Variants in SCAMP3 observed in about 807,000 individuals in gnomAD.
The protein encoded by SCAMP3 is secretory carrier-associated membrane protein 3.
A neutral mutation model predicts 44.1 loss-of-function variants in SCAMP3; 30 were observed. That is an observed-to-expected ratio of 0.68 (90% CI 0.51 to 0.92). SCAMP3 has a LOEUF of 0.92. SCAMP3 is among the 40% of genes least tolerant of loss of function. SCAMP3 has a pLI of 0.00. For missense variants in SCAMP3, 394 were observed against 440.0 expected (o/e 0.90, Z 0.93); for synonymous variants, 168 against 171.1 (o/e 0.98, Z 0.14).
chr1:155,262,202 G>T lies in SCAMP3; in HGVS notation c.-51C>A. The T allele has an allele frequency of 6.4e-7, 1 of 1,553,602 alleles. No homozygotes were observed. The highest frequency in any genetic ancestry group is 2.3e-5 in the East Asian group (1 of 44,412). Reference sequence around the variant, plus strand: ...CTCTGCCCTCCACGCCCCTGCCGCAGCAGTGGCGGTAGCGGTAGCCCTCAG... The same window carrying T: ...CTCTGCCCTCCACGCCCCTGCCGCATCAGTGGCGGTAGCGGTAGCCCTCAG... On this transcript the variant is annotated 5_prime_UTR_variant, in exon 1 of 9. In the 5' UTR this introduces an upstream ATG that the reference lacks. Transcript: ENST00000302631.
At position 155,256,425 on chromosome 1, in the gene SCAMP3, A is replaced by C; in HGVS notation, c.898-6T>G. The C allele has an allele frequency of 6.4e-7, 1 of 1,572,092 alleles. No individual in the cohort carries two copies. ...CGGCGGTATAAGGAGTGGATCTGCA[A>C]GTAGAGGACAAAGACATTACCGCCC... On this transcript the variant is annotated splice_region_variant and splice_polypyrimidine_tract_variant and intron_variant, in intron 8 of 8. Transcript: ENST00000302631.
intron 2 of SCAMP3, 144 bp downstream of exon 2, chr1:155,261,513 T>A: frequency 1.3e-6 from 1 of 782,724 alleles, no homozygotes; most frequent in Non-Finnish European, 2.2e-6. Context: ...AGGCATCCCA[T>A]GGCTGACTAG....
chr1:155,257,260 G>A (rs1341234903), intron 7 of SCAMP3, 25 bp downstream of exon 7: 2 of 1,465,776 alleles, frequency 1.4e-6, no homozygotes, highest in African/African-American at 2.8e-5. Flanking sequence ...AGGGAAAGGT[G>A]AGGGTGGATA....
chr1:155,258,963 C>A lies in SCAMP3; in HGVS notation c.389-9G>T. Reference sequence around the variant, plus strand: ...CCAATTGTTCTGTCGAGCTGTAAGGCACAAAAAAACAGGTGGACCCCAGAA... The same window carrying A: ...CCAATTGTTCTGTCGAGCTGTAAGGAACAAAAAAACAGGTGGACCCCAGAA... On this transcript the variant is annotated splice_polypyrimidine_tract_variant and intron_variant, in intron 4 of 8. Transcript: ENST00000302631. The A allele has an allele frequency of 1.9e-6, 3 of 1,596,604 alleles. No individual in the cohort carries two copies. The highest frequency in any genetic ancestry group is 1.8e-5 in the Admixed American group (1 of 56,762).
chr1:155,261,812 T>G (rs535364199), intron 1 of SCAMP3, 78 bp from the exon 2 acceptor site: 1 of 1,398,036 alleles, frequency 7.2e-7, no homozygotes, highest in Admixed American at 1.7e-5. Context: ...CCAAACTGCC[T>G]GTGGCTCCAA....
intron 8 of SCAMP3, 28 bp downstream of exon 8, chr1:155,256,646 C>T (rs1237749953): frequency 6.3e-7 from 1 of 1,591,544 alleles, no homozygotes. Flanking sequence ...TCTCACCATC[C>T]CGGCCCCACC....
In SCAMP3 at chr1:155,262,076, C is replaced by A. The variant is rs181786963; in HGVS notation, c.66+10G>T. On this transcript the variant is annotated intron_variant, in intron 1 of 8. Transcript: ENST00000302631. ...TGACCGCCCAAAAGAGGCCGACTGGCGCAAGTCACCTGAAAGGGGTTGTCA... is the reference window on the plus strand; with the variant it reads ...TGACCGCCCAAAAGAGGCCGACTGGAGCAAGTCACCTGAAAGGGGTTGTCA... 624 of 1,613,520 alleles carry A rather than the reference C, an allele frequency of 3.9e-4. No individual in the cohort carries two copies. The highest frequency in any genetic ancestry group is 5.1e-4 in the Non-Finnish European group (597 of 1,179,512).
intron 2 of SCAMP3, among the ~76,000 whole-genome samples, chr1:155,260,914 GTTT>G (rs60762712): frequency 6.8e-6 from 1 of 146,856 alleles, no homozygotes; most frequent in East Asian, 2.0e-4. Flanking sequence ...ACTTAACTGT[GTTT>G]TTTTTTTTTC....
chr1:155,261,518 G>A, intron 2 of SCAMP3, 139 bp downstream of exon 2: 1 of 803,742 alleles, frequency 1.2e-6, no homozygotes, highest in Non-Finnish European at 2.1e-6. Flanking sequence ...TCCCATGGCT[G>A]ACTAGCCTCT....
chr1:155,261,815 G>T, intron 1 of SCAMP3, 81 bp from the exon 2 acceptor site: 1 of 1,356,014 alleles, frequency 7.4e-7, no homozygotes, highest in Non-Finnish European at 1.1e-6. Flanking sequence ...AACTGCCTGT[G>T]GCTCCAAGTA....
In SCAMP3 at chr1:155,260,410, T is replaced by C; in HGVS notation, c.308A>G (p.Gln103Arg). The change falls in exon 4 of 9, where the codon CAG becomes CGG. Residue 103 changes from glutamine (Q) to arginine (R), a missense_variant. Gln to Arg is a conservative substitution (Grantham distance 43). Coordinates refer to ENST00000302631, the MANE Select transcript of SCAMP3 (RefSeq NM_005698.4). ...CTCTGCCTTCCGGTTGAGCTCCTCC[T>C]GTTTCTTCAGCAGCTCAGCTGTGGC... ...AAATAELLKK[Q>R]EELNRKAEEL... 2 of 1,614,116 alleles carry C rather than the reference T, an allele frequency of 1.2e-6. No individual in the cohort carries two copies.
chr1:155,258,318 CTTTTTTTTTTTT>C (rs71996352), intron 5 of SCAMP3, among the ~76,000 whole-genome samples: 58 of 86,572 alleles, frequency 6.7e-4, no homozygotes, highest in Admixed American at 2.2e-3. Flanking sequence ...CGTGCCCGGC[CTTTTTTTTTTTT>C]TTTTTTTTTT....
In SCAMP3 at chr1:155,256,805, G is replaced by A. The variant is rs771399402; in HGVS notation, c.780-14C>T. On this transcript the variant is annotated splice_polypyrimidine_tract_variant and intron_variant, in intron 7 of 8. Transcript: ENST00000302631. ...GAGATCCAGCCACTGTAAAGGGAAG[G>A]ATGTACCAGTGAAGAGGGGCTCCTC... 6.2e-7 allele frequency: 1 copy of A among 1,604,106 alleles called. No individual in the cohort carries two copies. Among genetic ancestry groups the A allele is most frequent in the Non-Finnish European group, 8.5e-7 (1 of 1,171,044 alleles).
Position 155,258,826 on chromosome 1 carries a change from A to C in SCAMP3, c.517T>G (p.Cys173Gly). The C allele has an allele frequency of 3.7e-6, 6 of 1,604,578 alleles. No individual in the cohort carries two copies. Among genetic ancestry groups the C allele is most frequent in the Non-Finnish European group, 5.1e-6 (6 of 1,176,596 alleles). ...TVSTMYYLWMCSTLALLLNFL... is the reference protein window; with the variant it reads ...TVSTMYYLWMGSTLALLLNFL... ...CTCCAAAAGGCTTCTCACTACTCAC[A>C]CATCCAGAGGTAGTACATGGTGGAT... The change falls in exon 5 of 9, where the codon TGC becomes GGC. Residue 173 changes from cysteine (C) to glycine (G), a missense_variant and splice_region_variant. Coordinates refer to ENST00000302631, the MANE Select transcript of SCAMP3 (RefSeq NM_005698.4).
rs1239559543 is a variant in SCAMP3, at chr1:155,257,304, T to C, written c.760A>G (p.Ile254Val). The change falls in exon 7 of 9, where the codon ATC becomes GTC. Residue 254 changes from isoleucine to valine, a missense_variant. Ile to Val is a conservative substitution (Grantham distance 29). Transcript: ENST00000302631. ...ACAAACCTGAATCCCCAACCTGGGA[T>C]ACCAATGGCCTGGAGGACAAAGAGC... is the stretch of plus-strand genomic sequence containing the variant. ...DVLFVLQAIG[I>V]PGWGFSGWIS... is the part of the protein sequence containing the mutation. 3.1e-6 allele frequency: 5 copies of C among 1,613,170 alleles called. No homozygotes were observed. Among genetic ancestry groups the C allele is most frequent in the Non-Finnish European group, 3.4e-6 (4 of 1,179,212 alleles).
At chr1:155,258,804 C>T (rs1388489306) in intron 5 of SCAMP3, 22 bp downstream of exon 5, 2 of 1,590,082 alleles carry the variant, frequency 1.3e-6, no homozygotes, top group Non-Finnish European at 1.7e-6. Context: ...TAACTTCCTC[C>T]AAAAGGCTTC....
intron 5 of SCAMP3, among the ~76,000 whole-genome samples, chr1:155,258,317 C>CATT (rs1672860997): frequency 8.3e-6 from 1 of 120,500 alleles, no homozygotes; most frequent in African/African-American, 3.0e-5. Context: ...CCGTGCCCGG[C>CATT]CTTTTTTTTT....
chr1:155,261,533 G>A (rs1409332592), intron 2 of SCAMP3, 124 bp downstream of exon 2: 26 of 881,664 alleles, frequency 2.9e-5, no homozygotes, highest in African/African-American at 4.9e-5. Flanking sequence ...GCCTCTCTCA[G>A]GGAACTAAGA....
chr1:155,256,283 C>T lies in SCAMP3; in HGVS notation c.1034G>A (p.Arg345Gln), dbSNP rs746718405. 51 of 1,577,208 alleles carry T rather than the reference C, an allele frequency of 3.2e-5. No individual in the cohort carries two copies. The highest frequency in any genetic ancestry group is 3.9e-5 in the Non-Finnish European group (45 of 1,157,382). Residue 345 changes from arginine (R) to glutamine (Q), a missense_variant, in exon 9 of 9, where the codon CGG becomes CAG. Physicochemically the swap from Arg to Gln is conservative, Grantham distance 43 (BLOSUM62 1). Transcript: ENST00000302631. ...AAAGAAENAF[R>Q]AP ...CATCCCAGTCAGGGGTCACGGGGCC[C>T]GGAAGGCATTTTCAGCAGCCCCAGC...
Sources: allele counts gnomAD v4.1 joint callset (sites outside exome capture counted in the v4.1 genomes callset), GRCh38; gene constraint gnomAD v4.1.1; transcripts MANE v1.5; gene names NCBI Gene and HGNC (gene_info 2026-07-23, HGNC 2026-07-21).